Variants in HIRA observed in about 807,000 individuals in gnomAD.
The protein encoded by HIRA is histone cell cycle regulator, also known as protein HIRA.
A neutral mutation model predicts 126.6 loss-of-function variants in HIRA; 13 were observed. The observed-to-expected ratio is 0.10, with a 90% confidence interval of 0.07 to 0.16. The LOEUF (loss-of-function observed/expected upper bound fraction) is 0.16. Among genes scored for constraint, HIRA ranks in the 10% least tolerant of loss-of-function variants. The probability of loss-of-function intolerance (pLI) is 1.00; values close to 1 mark genes in which losing one functional copy is unlikely to be tolerated. For missense variants in HIRA, 834 were observed against 1,314.4 expected (o/e 0.63, Z 5.65); for synonymous variants, 511 against 520.0 (o/e 0.98, Z 0.24).
At position 19,414,744 on chromosome 22, in the gene HIRA, G is replaced by A. The variant is rs746695933; in HGVS notation, c.38-3966C>T. Reference sequence around the variant, plus strand: ...CAATACTAAAATATAAGGTGGGGCCGGTCATGGTGGCTCACGCCGGTAATC... The same window carrying A: ...CAATACTAAAATATAAGGTGGGGCCAGTCATGGTGGCTCACGCCGGTAATC... On this transcript the variant is annotated intron_variant, in intron 1 of 24. Coordinates refer to ENST00000263208, the MANE Select transcript of HIRA (RefSeq NM_003325.4). Among the ~76,000 whole-genome samples, 8 of 152,262 alleles carry A rather than the reference G, an allele frequency of 5.3e-5. No homozygotes were observed. In the South Asian group the frequency reaches 1.5e-3, roughly 28 times the overall value.
chr22:19,364,220 G>C (rs5748152), intron 15 of HIRA, among the ~76,000 whole-genome samples: 20,782 of 151,948 alleles, frequency 0.14, 2,842 homozygotes, highest in African/African-American at 0.35. Flanking sequence ...TCAAAAAAAG[G>C]TGGTGTAGTT....
chr22:19,343,431 C>T (rs549334977), intron 24 of HIRA, among the ~76,000 whole-genome samples: 144 of 151,814 alleles, frequency 9.5e-4, no homozygotes, highest in East Asian at 1.9e-4. Context: ...GGCATGGTGG[C>T]GCACATCTGT....
intron 15 of HIRA, among the ~76,000 whole-genome samples, chr22:19,363,294 T>C (rs1556014622): frequency 2.0e-5 from 3 of 150,846 alleles, no homozygotes; most frequent in Non-Finnish European, 4.4e-5. Context: ...AATTTAATTT[T>C]AACTACAAAA....
chr22:19,387,963 T>TG (rs2089142037), intron 10 of HIRA, 147 bp from the exon 11 acceptor site: 1 of 73,498 alleles, frequency 1.4e-5, no homozygotes, highest in Non-Finnish European at 2.9e-5. Flanking sequence ...TTCCCTTCTT[T>TG]GGCCTGGGCG....
intron 1 of HIRA, among the ~76,000 whole-genome samples, chr22:19,411,347 A>G (rs1382532940): frequency 6.6e-6 from 1 of 152,220 alleles, no homozygotes; most frequent in Non-Finnish European, 1.5e-5. Flanking sequence ...TCCAGGAGAA[A>G]GGACTGTGGC....
chr22:19,385,471 G>A (rs2089118043), intron 12 of HIRA, 50 bp downstream of exon 12: 1 of 1,550,832 alleles, frequency 6.4e-7, no homozygotes, highest in East Asian at 2.2e-5. Context: ...CCCTCACCCT[G>A]TCCCTGGGCA....
chr22:19,371,614 T>G (rs765873423), intron 15 of HIRA, among the ~76,000 whole-genome samples: 11 of 145,522 alleles, frequency 7.6e-5, no homozygotes, highest in East Asian at 2.0e-4. Flanking sequence ...TCTGTACCCA[T>G]TGGTACTCAC....
At chr22:19,332,093 C>T (rs887139998) in intron 24 of HIRA, among the ~76,000 whole-genome samples, 1 of 152,290 alleles carries the variant, frequency 6.6e-6, no homozygotes, top group Non-Finnish European at 1.5e-5. Flanking sequence ...ACATCCTCCA[C>T]GTCAGGTCAT....
At chr22:19,405,673 C>A in intron 5 of HIRA, 113 bp downstream of exon 5, 1 of 911,366 alleles carries the variant, frequency 1.1e-6, no homozygotes, top group Non-Finnish European at 1.5e-6. Flanking sequence ...GGTGGGACAG[C>A]CCAGACATAG....
At chr22:19,350,895 C>T (rs1437078911) in intron 24 of HIRA, among the ~76,000 whole-genome samples, 2 of 152,022 alleles carry the variant, frequency 1.3e-5, no homozygotes, top group East Asian at 3.9e-4. Flanking sequence ...GGGTTTCATC[C>T]GCAGTGTCCT....
chr22:19,422,167 T>TACACAC (rs1414193157), intron 1 of HIRA, among the ~76,000 whole-genome samples: 90 of 56,272 alleles, frequency 1.6e-3, no homozygotes, highest in African/African-American at 6.3e-3. Context: ...AATGTGTTTA[T>TACACAC]ATATACACAC....
intron 2 of HIRA, among the ~76,000 whole-genome samples, chr22:19,409,500 T>G (rs571511779): frequency 6.6e-6 from 1 of 152,208 alleles, no homozygotes; most frequent in African/African-American, 2.4e-5. Context: ...GCCAGGCTGA[T>G]TCGAACTCCT....
Position 19,351,326 on chromosome 22 carries a change from A to C in HIRA, c.2937+32T>G. 1 of 1,577,398 alleles carries C rather than the reference A, an allele frequency of 6.3e-7. No homozygotes were observed. The highest frequency in any genetic ancestry group is 8.6e-7 in the Non-Finnish European group (1 of 1,167,340). On this transcript the variant is annotated intron_variant, in intron 24 of 24. Coordinates refer to ENST00000263208, the MANE Select transcript of HIRA (RefSeq NM_003325.4). This position sits in a 1 kb window ranked among gnomAD's most constrained non-coding sequence, Gnocchi z 4.8. ...CTCCACCTTCATGTTTCAAGAAAGA[A>C]TTCTTGCAGCAACAATGAAAGAAGC...
intron 15 of HIRA, among the ~76,000 whole-genome samples, chr22:19,368,231 C>T (rs1412642528): frequency 3.9e-5 from 6 of 152,148 alleles, no homozygotes; most frequent in African/African-American, 7.2e-5. Flanking sequence ...CACACACCAG[C>T]GTGTAGAATC....
rs1056940949 is a variant in HIRA, at chr22:19,369,576, C to T, written c.1775+6055G>A. 2.0e-5 allele frequency among the ~76,000 whole-genome samples: 3 copies of T among 152,242 alleles called. No individual in the cohort carries two copies. In the East Asian group the frequency reaches 5.8e-4, roughly 29 times the overall value. On this transcript the variant is annotated intron_variant, in intron 15 of 24. Transcript: ENST00000263208. ...GAGGAAGTGGGGGACCTGGGCCTAACTTGCAAGGTGTATTACTTTGCGCAC... is the reference window on the plus strand; with the variant it reads ...GAGGAAGTGGGGGACCTGGGCCTAATTTGCAAGGTGTATTACTTTGCGCAC...
Position 19,420,469 on chromosome 22 carries a change from A to AAAAAC in HIRA, c.38-9692_38-9691insGTTTT, listed in dbSNP as rs1556028321. Among the ~76,000 whole-genome samples the AAAAAC allele has an allele frequency of 1.4e-3, 186 of 131,558 alleles. 5 individuals are homozygous for AAAAAC. Among genetic ancestry groups the AAAAAC allele is most frequent in the African/African-American group, 4.7e-3 (184 of 39,110 alleles). 86.3% of individuals were successfully genotyped at this position (131,558 alleles called of 152,430 possible). Reference sequence around the variant, plus strand: ...CAACAAAAAAAACTGTCTCAAAAAAAAAAAAAAAAAAACCAAACCAAAACA... The same window carrying AAAAAC: ...CAACAAAAAAAACTGTCTCAAAAAAAAAAACAAAAAAAAAAAACCAAACCAAAACA... On this transcript the variant is annotated intron_variant, in intron 1 of 24. Coordinates refer to ENST00000263208, the MANE Select transcript of HIRA (RefSeq NM_003325.4).
intron 15 of HIRA, among the ~76,000 whole-genome samples, chr22:19,368,723 C>T (rs190249923): frequency 3.9e-5 from 6 of 152,286 alleles, no homozygotes; most frequent in South Asian, 2.1e-4. Context: ...ATGTAACTAT[C>T]GTTTTGTAAA....
At chr22:19,422,117 A>G (rs1451891555) in intron 1 of HIRA, among the ~76,000 whole-genome samples, 2 of 151,622 alleles carry the variant, frequency 1.3e-5, no homozygotes, top group African/African-American at 4.8e-5. Flanking sequence ...TCAACACATT[A>G]TACATTTAAG....
chr22:19,363,893 ACT>A (rs2088888574), intron 15 of HIRA, among the ~76,000 whole-genome samples: 2 of 152,146 alleles, frequency 1.3e-5, no homozygotes, highest in Admixed American at 1.3e-4. Context: ...ATAGAGCGAG[ACT>A]CTGTCTCGAA....
Sources: gnomAD v4.1 joint callset for allele counts (sites outside exome capture counted in the v4.1 genomes callset) on GRCh38, gnomAD v4.1.1 for gene constraint, Gnocchi (gnomAD v3.1) non-coding constraint, MANE v1.5 for transcripts, NCBI Gene and HGNC (gene_info 2026-07-23, HGNC 2026-07-21) for gene names.